The following RYR3 variants were observed in gnomAD, a reference collection of about 807,000 sequenced individuals.
RYR3 encodes the protein brain ryanodine receptor-calcium release channel.
Under a neutral mutation model 584.3 loss-of-function variants are expected in RYR3, and 207 were observed. The observed-to-expected ratio is 0.35, with a 90% CI of 0.32 to 0.40. RYR3 has a LOEUF of 0.40. Ranked by LOEUF, RYR3 falls within the 10% of genes least tolerant of loss-of-function variation. The pLI, the probability that RYR3 is intolerant of heterozygous loss-of-function variation, is 1.00. For synonymous variants in RYR3, 2,416 were observed against 2,248.5 expected, an observed-to-expected ratio of 1.07 and a Z score of -2.11; for missense variants, 5,616 against 6,089.2, an observed-to-expected ratio of 0.92 and a Z score of 2.59.
intron 1 of RYR3, among the ~76,000 whole-genome samples, chr15:33,458,690 C>A (rs1350114693): frequency 6.6e-6 from 1 of 152,192 alleles, no homozygotes; most frequent in Admixed American, 6.5e-5. Context: ...GACCTATCAT[C>A]TTCCTATCTA....
chr15:33,418,862 A>G (rs1340394525), intron 1 of RYR3, among the ~76,000 whole-genome samples: 1 of 152,162 alleles, frequency 6.6e-6, no homozygotes, highest in African/African-American at 2.4e-5. Context: ...ATAAGCTAGC[A>G]TGAGGACAGG....
intron 16 of RYR3, among the ~76,000 whole-genome samples, chr15:33,598,351 T>C (rs2059489424): frequency 6.6e-6 from 1 of 152,012 alleles, no homozygotes. Flanking sequence ...TGTTAGCCTT[T>C]TAACTAAGCT....
At position 33,718,793 on chromosome 15, in the gene RYR3, C is replaced by T. The variant is rs189964447; in HGVS notation, c.6620-3922C>T. Among the ~76,000 whole-genome samples, 310 of 151,960 alleles carry T rather than the reference C, an allele frequency of 2.0e-3. 1 individual carries two copies. Among genetic ancestry groups the T allele is most frequent in the African/African-American group, 7.3e-3 (303 of 41,262 alleles). ...CCATTTCCATCCAACTATTCAGGAACATCGAAAAGAAAACAGTAACATGAA... is the reference window on the plus strand; with the variant it reads ...CCATTTCCATCCAACTATTCAGGAATATCGAAAAGAAAACAGTAACATGAA... On this transcript the variant is annotated intron_variant, in intron 43 of 103. Coordinates refer to ENST00000634891, the MANE Select transcript of RYR3 (RefSeq NM_001036.6).
chr15:33,637,382 C>T (rs964236916), intron 27 of RYR3, among the ~76,000 whole-genome samples: 2 of 152,238 alleles, frequency 1.3e-5, no homozygotes, highest in Admixed American at 6.5e-5. Context: ...AGTGACTTAA[C>T]ACCTGCTGTG....
At chr15:33,423,199 C>G (rs990444003) in intron 1 of RYR3, among the ~76,000 whole-genome samples, 8 of 152,138 alleles carry the variant, frequency 5.3e-5, no homozygotes, top group Non-Finnish European at 8.8e-5. Flanking sequence ...AATCTACCTT[C>G]TGTGTCTATG....
chr15:33,446,938 T>C (rs1182996982), intron 1 of RYR3, among the ~76,000 whole-genome samples: 7 of 152,162 alleles, frequency 4.6e-5, no homozygotes, highest in Admixed American at 1.3e-4. Flanking sequence ...CTCAGAAAAC[T>C]TTTTTCCTGC....
chr15:33,761,374 G>A (rs1014994215), intron 60 of RYR3, among the ~76,000 whole-genome samples: 1 of 152,088 alleles, frequency 6.6e-6, no homozygotes, highest in Admixed American at 6.5e-5. Context: ...AAGAAGAAAA[G>A]AGAGAAGAAT....
chr15:33,505,798 C>CT (rs1397991715), intron 3 of RYR3, among the ~76,000 whole-genome samples: 2 of 151,802 alleles, frequency 1.3e-5, no homozygotes, highest in Non-Finnish European at 2.9e-5. Context: ...GGCCGGGAAA[C>CT]TTTTTTTTAA....
chr15:33,770,468 A>AG (rs1213414417), intron 62 of RYR3, among the ~76,000 whole-genome samples: 7 of 152,148 alleles, frequency 4.6e-5, no homozygotes, highest in Admixed American at 3.9e-4. Context: ...AAAGTTAGGA[A>AG]GGGCCAGATG....
chr15:33,365,895 A>G (rs1379929910), intron 1 of RYR3, among the ~76,000 whole-genome samples: 1 of 152,224 alleles, frequency 6.6e-6, no homozygotes, highest in Non-Finnish European at 1.5e-5. Context: ...TTTTTAAAAA[A>G]GTTATCTCAG....
chr15:33,432,573 C>A (rs1456003405), intron 1 of RYR3, among the ~76,000 whole-genome samples: 1 of 150,110 alleles, frequency 6.7e-6, no homozygotes, highest in Non-Finnish European at 1.5e-5. Flanking sequence ...ACTTAAATTT[C>A]ATTAGATGTG....
chr15:33,414,444 T>C lies in RYR3; in HGVS notation c.52-58975T>C, dbSNP rs570783401. Among the ~76,000 whole-genome samples, 9 of 152,262 alleles carry C rather than the reference T, an allele frequency of 5.9e-5. No individual in the cohort carries two copies. In the South Asian group the frequency reaches 1.9e-3, roughly 32 times the overall value. ...ATGGAGGTCTCCATGGTTATCTTGC[T>C]TATAGTTCTAAATATATAACAAAAC... On this transcript the variant is annotated intron_variant, in intron 1 of 103. Transcript: ENST00000634891.
At chr15:33,630,077 A>G in intron 22 of RYR3, 34 bp downstream of exon 22, 1 of 1,205,620 alleles carries the variant, frequency 8.3e-7, no homozygotes, top group Middle Eastern at 1.9e-4. Flanking sequence ...TTTTACAAAC[A>G]ATGAATAGAT....
chr15:33,771,507 C>G (rs1255358871), intron 62 of RYR3, among the ~76,000 whole-genome samples: 10 of 151,392 alleles, frequency 6.6e-5, no homozygotes, highest in African/African-American at 2.4e-4. Context: ...GCAGTCCAGC[C>G]TGGTGACAGG....
intron 2 of RYR3, among the ~76,000 whole-genome samples, chr15:33,477,512 A>T (rs2049488430): frequency 6.7e-6 from 1 of 149,758 alleles, no homozygotes; most frequent in African/African-American, 2.5e-5. Flanking sequence ...TGATGGAAGC[A>T]CTATTATTCA....
At chr15:33,853,135 G>A in intron 95 of RYR3, 48 bp downstream of exon 95, 2 of 1,483,876 alleles carry the variant, frequency 1.3e-6, no homozygotes, top group Non-Finnish European at 1.8e-6. Flanking sequence ...AAAAAATGTG[G>A]TGTATGTTTT....
Position 33,550,162 on chromosome 15 carries a change from G to C in RYR3, c.818G>C (p.Trp273Ser). The C allele has an allele frequency of 1.2e-6, 2 of 1,611,714 alleles. No individual in the cohort carries two copies. Among genetic ancestry groups the C allele is most frequent in the Non-Finnish European group, 1.7e-6 (2 of 1,179,242 alleles). ...LWRVEPLRIS[W>S]SGSNIRWGQA... Reference sequence around the variant, plus strand: ...TCTTGTCTGTTTCATCTGCCCAGCTGGAGTGGCAGTAACATCAGATGGGGC... The same window carrying C: ...TCTTGTCTGTTTCATCTGCCCAGCTCGAGTGGCAGTAACATCAGATGGGGC... The change falls in exon 10 of 104, where the codon TGG (tryptophan) becomes TCG (serine). Residue 273 changes from tryptophan (W) to serine (S), a missense_variant and splice_region_variant. This residue lies in a region of RYR3 where 1,284 missense variants were observed against 1,344.6 expected (regional missense o/e 0.95). Transcript: ENST00000634891.
At chr15:33,731,340 A>G (rs1022772469) in intron 47 of RYR3, 134 bp from the exon 48 acceptor site, 3 of 601,402 alleles carry the variant, frequency 5.0e-6, no homozygotes, top group African/African-American at 3.7e-5. Context: ...TAAGGTAGAA[A>G]GTTGTTCACT....
chr15:33,446,086 A>T (rs12019024), intron 1 of RYR3, among the ~76,000 whole-genome samples: 11,373 of 152,136 alleles, frequency 0.075, 797 homozygotes, highest in African/African-American at 0.19. Context: ...ACACTTGATA[A>T]TTACTTTATC....
Sources: allele counts gnomAD v4.1 joint callset (sites outside exome capture counted in the v4.1 genomes callset), GRCh38; gene constraint gnomAD v4.1.1; regional missense constraint gnomAD v4.1.1; transcripts MANE v1.5; gene names NCBI Gene and HGNC (gene_info 2026-07-23, HGNC 2026-07-21).